The following ACACA variants were observed in gnomAD, a reference collection of about 807,000 sequenced individuals.
ACACA encodes the protein acetyl-CoA carboxylase 1.
In ACACA, 103 loss-of-function variants were observed where a neutral mutation model predicts 296.1. The ratio of observed to expected loss-of-function variants is 0.35; its 90% CI spans 0.30 to 0.41. ACACA has a LOEUF of 0.41. Among genes scored for constraint, ACACA ranks in the 10% least tolerant of loss-of-function variants. The probability of loss-of-function intolerance (pLI) is 1.00; values close to 1 mark genes in which losing one functional copy is unlikely to be tolerated. For missense variants in ACACA, 1,554 were observed against 2,989.7 expected (o/e 0.52, Z 11.20); for synonymous variants, 953 against 1,038.6 (o/e 0.92, Z 1.58).
At chr17:37,388,904 A>T in intron 1 of ACACA, 1 of 1,385,598 alleles carries the variant, frequency 7.2e-7, no homozygotes, top group Non-Finnish European at 9.9e-7. Flanking sequence ...ATTTGAGGAG[A>T]TGTGCCACTC....
chr17:37,338,976 G>A (rs907163406), intron 2 of ACACA, among the ~76,000 whole-genome samples: 1 of 151,868 alleles, frequency 6.6e-6, no homozygotes, highest in African/African-American at 2.4e-5. Flanking sequence ...AGGCAGAGAG[G>A]GAGGGAAAAG....
intron 38 of ACACA, among the ~76,000 whole-genome samples, chr17:37,188,882 T>A (rs1488421914): frequency 2.0e-5 from 3 of 152,242 alleles, no homozygotes; most frequent in African/African-American, 7.2e-5. Context: ...ATGGTAACTA[T>A]GTTTCACTGC....
chr17:37,205,869 G>T lies in ACACA; in HGVS notation c.3952C>A (p.Pro1318Thr). 1 of 1,611,246 alleles carries T rather than the reference G, an allele frequency of 6.2e-7. No individual in the cohort carries two copies. ...AGAATGTGAATTGGTTCATCCCTGG[G>T]AACCTGTAACTCAAGAACACAAGTC... ...HTSLYDEDKV[P>T]RDEPIHILNV... The change falls in exon 33 of 56, where the codon CCC becomes ACC. Residue 1318 changes from proline (P) to threonine (T), a missense_variant. By Grantham distance (38) the Pro-to-Thr change is conservative. Transcript: ENST00000616317.
Position 37,301,368 on chromosome 17 carries a change from C to T in ACACA, c.339-16398G>A, listed in dbSNP as rs529086061. The T allele has an allele frequency of 2.7e-5, 27 of 985,280 alleles. No individual in the cohort carries two copies. In the East Asian group the frequency reaches 2.0e-3, roughly 74 times the overall value. The allele number at this position is 985,280 out of a possible 1,614,324, so 61.0% of individuals were successfully genotyped here. On this transcript the variant is annotated intron_variant, in intron 3 of 55. Transcript: ENST00000616317. ...TTAATCTACCATGAACAGTGTCCAA[C>T]GTAGACACATACCTGGCACAAAATC...
intron 1 of ACACA, among the ~76,000 whole-genome samples, chr17:37,344,466 G>T (rs1418328004): frequency 6.6e-6 from 1 of 152,142 alleles, no homozygotes; most frequent in African/African-American, 2.4e-5. Flanking sequence ...GCTGAGGCAG[G>T]AGAATCGCTT....
intron 39 of ACACA, among the ~76,000 whole-genome samples, chr17:37,186,555 G>A (rs2077540159): frequency 6.6e-6 from 1 of 152,220 alleles, no homozygotes; most frequent in Non-Finnish European, 1.5e-5. Flanking sequence ...GGCATTAGGA[G>A]CACCAGAACT....
Position 37,125,804 on chromosome 17 carries a change from GGAAA to G in ACACA, c.5945-14_5945-11del, listed in dbSNP as rs1182811756. On this transcript the variant is annotated splice_polypyrimidine_tract_variant and intron_variant, in intron 47 of 55. Transcript: ENST00000616317. The stretch of plus-strand genomic sequence containing the variant: ...CACTGACCTTTTTGGGCTACAGAAG[GGAAA>G]GAAAGAAAACAGAGAATAAGGACAG... 4 of 1,605,370 alleles carry G rather than the reference GGAAA, an allele frequency of 2.5e-6. No individual in the cohort carries two copies. The highest frequency in any genetic ancestry group is 3.4e-6 in the Non-Finnish European group (4 of 1,172,532).
intron 41 of ACACA, among the ~76,000 whole-genome samples, chr17:37,169,065 A>C (rs2076791417): frequency 6.6e-6 from 1 of 152,202 alleles, no homozygotes; most frequent in South Asian, 2.1e-4. Flanking sequence ...TTGCACTGAT[A>C]GGCAGGGAAG....
intron 1 of ACACA, among the ~76,000 whole-genome samples, chr17:37,366,333 A>G (rs545864559): frequency 6.6e-6 from 1 of 152,308 alleles, no homozygotes; most frequent in East Asian, 1.9e-4. Flanking sequence ...AATAAAATAT[A>G]ACATTAATAA....
chr17:37,200,224 G>T (rs907270173), intron 34 of ACACA, 41 bp from the exon 35 acceptor site: 6 of 1,544,704 alleles, frequency 3.9e-6, no homozygotes, highest in Non-Finnish European at 5.4e-6. Flanking sequence ...GACAGCAGAA[G>T]TTGGCAATTA....
intron 41 of ACACA, 90 bp downstream of exon 41, chr17:37,179,170 T>C (rs1319781685): frequency 6.6e-7 from 1 of 1,508,558 alleles, no homozygotes; most frequent in South Asian, 1.1e-5. Context: ...AAGACTACCA[T>C]GCTCCAGTGC....
intron 25 of ACACA, among the ~76,000 whole-genome samples, chr17:37,233,466 A>G (rs754623562): frequency 6.6e-6 from 1 of 152,228 alleles, no homozygotes; most frequent in Non-Finnish European, 1.5e-5. Context: ...CGCTGCTCCA[A>G]GGATTCTAGG....
intron 6 of ACACA, 135 bp from the exon 7 acceptor site, chr17:37,277,249 C>G (rs1381756230): frequency 1.0e-5 from 8 of 781,772 alleles, no homozygotes; most frequent in Non-Finnish European, 1.8e-5. Context: ...AATTCAGCTT[C>G]TATGCTTGAT....
intron 43 of ACACA, among the ~76,000 whole-genome samples, chr17:37,154,289 A>C (rs2076153653): frequency 6.6e-6 from 1 of 152,162 alleles, no homozygotes; most frequent in African/African-American, 2.4e-5. Context: ...CCTAGGCAAC[A>C]GAGTAAAACC....
intron 3 of ACACA, among the ~76,000 whole-genome samples, chr17:37,296,561 T>C (rs1310393598): frequency 6.6e-6 from 1 of 151,876 alleles, no homozygotes; most frequent in East Asian, 1.9e-4. Context: ...TGCCTCGGCC[T>C]CCCAAAGTGC....
At chr17:37,340,914 T>C (rs987422860) in intron 1 of ACACA, among the ~76,000 whole-genome samples, 3 of 152,032 alleles carry the variant, frequency 2.0e-5, no homozygotes, top group African/African-American at 7.3e-5. Context: ...AAAAAGAAAG[T>C]CTTCTGGGCA....
intron 36 of ACACA, 108 bp from the exon 37 acceptor site, chr17:37,192,413 T>C: frequency 4.6e-6 from 5 of 1,081,550 alleles, no homozygotes; most frequent in African/African-American, 1.6e-5. Flanking sequence ...TAAGCTATGA[T>C]GTGCTAATGA....
intron 3 of ACACA, among the ~76,000 whole-genome samples, chr17:37,312,693 T>C (rs1157262566): frequency 6.6e-6 from 1 of 152,082 alleles, no homozygotes; most frequent in East Asian, 1.9e-4. Flanking sequence ...AGGCTAGAGA[T>C]AATGAACACC....
In ACACA at chr17:37,192,385, T is replaced by C. The variant is rs552858450; in HGVS notation, c.4201-80A>G. On this transcript the variant is annotated intron_variant, in intron 36 of 55. Coordinates refer to ENST00000616317, the MANE Select transcript of ACACA (RefSeq NM_198834.3). ...ACTATGAATGTGAATGTAAAAGAGA[T>C]GCCTGAAAATAGAAACATAAGCTAT... The C allele has an allele frequency of 6.2e-6, 8 of 1,296,402 alleles. No homozygotes were observed. The Admixed American group carries it at 9.5e-5, about 15-fold the overall frequency. The allele number at this position is 1,296,402 out of a possible 1,614,324, so 80.3% of individuals were successfully genotyped here.
Sources: allele counts gnomAD v4.1 joint callset (sites outside exome capture counted in the v4.1 genomes callset), GRCh38; gene constraint gnomAD v4.1.1; transcripts MANE v1.5; gene names NCBI Gene and HGNC (gene_info 2026-07-23, HGNC 2026-07-21).